Variants in HYKK observed in about 807,000 individuals in gnomAD.
HYKK encodes hydroxylysine kinase, also known as 5-hydroxy-L-lysine kinase.
A neutral mutation model predicts 29.7 loss-of-function variants in HYKK; 19 were observed. That is an observed-to-expected ratio of 0.64 (90% confidence interval 0.45 to 0.94). HYKK has a LOEUF of 0.94. Among genes scored for constraint, HYKK ranks in the 40% least tolerant of loss-of-function variants. The pLI is 0.00. For missense variants in HYKK, 390 were observed against 443.4 expected (o/e 0.88, Z 1.08); for synonymous variants, 152 against 158.1 (o/e 0.96, Z 0.29).
intron 3 of HYKK, among the ~76,000 whole-genome samples, chr15:78,524,363 C>A (rs2052227915): frequency 6.6e-6 from 1 of 152,230 alleles, no homozygotes; most frequent in Non-Finnish European, 1.5e-5. Context: ...CCCCTTTGAT[C>A]CATGGCTTGA....
At chr15:78,510,103 C>A (rs1187309979) in intron 1 of HYKK, among the ~76,000 whole-genome samples, 1 of 146,066 alleles carries the variant, frequency 6.8e-6, no homozygotes, top group Middle Eastern at 3.4e-3. Context: ...CTTTCTTTCT[C>A]TCTCTCTCTT....
At chr15:78,537,058 G>C (rs2052368963), downstream of HYKK, among the ~76,000 whole-genome samples, 1 of 152,156 alleles carries the variant, frequency 6.6e-6, no homozygotes, top group African/African-American at 2.4e-5. Flanking sequence ...CTCAGACTGA[G>C]TTACACCATC....
rs1275965615 is a variant in HYKK, at chr15:78,535,106, C to G, written c.*1436C>G. On this transcript the variant is annotated 3_prime_UTR_variant, in exon 5 of 5. Transcript: ENST00000388988. The stretch of plus-strand genomic sequence containing the variant: ...AGATGACTCAAGTCTAGAACCCTGG[C>G]CATTCAAATACTCAATAGTTATCTT... 2 of 152,048 alleles carry G rather than the reference C, an allele frequency of 1.3e-5. No individual in the cohort carries two copies. The highest frequency in any genetic ancestry group is 4.8e-5 in the African/African-American group (2 of 41,394). The allele number at this position is 152,048 out of a possible 1,614,324, so 9.4% of individuals were successfully genotyped here.
At chr15:78,510,421 A>G (rs1398962082) in intron 1 of HYKK, among the ~76,000 whole-genome samples, 3 of 151,536 alleles carry the variant, frequency 2.0e-5, no homozygotes, top group Non-Finnish European at 2.9e-5. Flanking sequence ...CTGGTCTCAA[A>G]CTCCTGACCT....
chr15:78,527,476 G>C lies in HYKK; in HGVS notation c.574G>C (p.Gly192Arg), dbSNP rs1319593408. 2 of 1,613,858 alleles carry C rather than the reference G, an allele frequency of 1.2e-6. No homozygotes were observed. The highest frequency in any genetic ancestry group is 2.7e-5 in the African/African-American group (2 of 74,838). Residue 192 changes from glycine to arginine, a missense_variant, in exon 4 of 5, where the codon GGC becomes CGC. By Grantham distance (125) the Gly-to-Arg change is moderately radical (BLOSUM62 -2). Coordinates refer to ENST00000388988, the MANE Select transcript of HYKK (RefSeq NM_001013619.4). ...TCTGGAGAAATACCTGTATGCCCTG[G>C]GCCAGAATCGAAACCGAGAGATTGT... ...PLLEKYLYALGQNRNREIVEH... is the reference protein window; with the variant it reads ...PLLEKYLYALRQNRNREIVEH...
At chr15:78,508,283 G>A (rs991798631) in intron 1 of HYKK, among the ~76,000 whole-genome samples, 6 of 152,180 alleles carry the variant, frequency 3.9e-5, no homozygotes, top group Non-Finnish European at 7.3e-5. Context: ...TTAAATAAGG[G>A]ACTAGCCTAG....
intron 3 of HYKK, among the ~76,000 whole-genome samples, chr15:78,526,256 C>T (rs530395274): frequency 5.3e-5 from 8 of 152,256 alleles, no homozygotes; most frequent in Admixed American, 1.3e-4. Context: ...TGTGGGGATA[C>T]AGGAGTGAAC....
chr15:78,520,585 C>G (rs950276921), intron 3 of HYKK, among the ~76,000 whole-genome samples: 2 of 152,220 alleles, frequency 1.3e-5, no homozygotes, highest in African/African-American at 4.8e-5. Flanking sequence ...GATCCCAAGG[C>G]AGAAGAATTT....
chr15:78,533,304 A>C lies in HYKK; in HGVS notation c.756A>C (p.Leu252Phe). 6.2e-7 allele frequency: 1 copy of C among 1,614,096 alleles called. No individual in the cohort carries two copies. Among genetic ancestry groups the C allele is most frequent in the South Asian group, 1.1e-5 (1 of 91,082 alleles). ...CTGAATATCAAGTGTCTGGGATTTTAGACTTTGGTGACATGAGCTATGGCT... is the reference window on the plus strand; with the variant it reads ...CTGAATATCAAGTGTCTGGGATTTTCGACTTTGGTGACATGAGCTATGGCT... The part of the protein sequence containing the change: ...GNAEYQVSGI[L>F]DFGDMSYGYY... The change falls in exon 5 of 5, where the codon TTA (leucine) becomes TTC (phenylalanine). Residue 252 changes from leucine to phenylalanine, a missense_variant. Leu to Phe is a conservative substitution (Grantham distance 22, BLOSUM62 0). Transcript: ENST00000388988.
At chr15:78,508,842 G>A (rs947808727) in intron 1 of HYKK, among the ~76,000 whole-genome samples, 3 of 137,942 alleles carry the variant, frequency 2.2e-5, no homozygotes, top group Non-Finnish European at 3.0e-5. Flanking sequence ...CCAGAAGTTC[G>A]AGACCAGCCT....
rs546148052 is a variant in HYKK at position 78,514,439 on chromosome 15, T to C, written c.338-529T>C. On this transcript the variant is annotated intron_variant, in intron 2 of 4. Coordinates refer to ENST00000388988, the MANE Select transcript of HYKK (RefSeq NM_001013619.4). ...TCTTGATTGTCTTTTTCTCTCTTAA[T>C]TGTTCACCATTCTTTCTTAATTTGC... Among the ~76,000 whole-genome samples the C allele has an allele frequency of 5.3e-5, 8 of 152,326 alleles. No homozygotes were observed. In the South Asian group the frequency reaches 1.7e-3, roughly 32 times the overall value.
intron 1 of HYKK, among the ~76,000 whole-genome samples, chr15:78,509,939 G>A (rs924553844): frequency 1.2e-4 from 19 of 152,186 alleles, no homozygotes; most frequent in African/African-American, 3.9e-4. Context: ...GATGGAAACC[G>A]ATCAGTGGCA....
intron 1 of HYKK, among the ~76,000 whole-genome samples, chr15:78,512,156 T>A (rs909265600): frequency 1.3e-5 from 2 of 152,156 alleles, no homozygotes; most frequent in Admixed American, 1.3e-4. Context: ...AGGGTTTTCT[T>A]TGGTTCTCTG....
At chr15:78,510,999 G>A (rs2052068827) in intron 1 of HYKK, among the ~76,000 whole-genome samples, 1 of 141,030 alleles carries the variant, frequency 7.1e-6, no homozygotes, top group Non-Finnish European at 1.5e-5. Flanking sequence ...AGAGAAGCGG[G>A]TCTCATTATG....
chr15:78,513,258 AT>A lies in HYKK; in HGVS notation c.171del (p.Asp57GlufsTer10). On this transcript the variant is annotated frameshift_variant, in exon 2 of 5. Coordinates refer to ENST00000388988, the MANE Select transcript of HYKK (RefSeq NM_001013619.4). LOFTEE classifies it high-confidence loss of function. ...CATGTCTACGTTTCAAAAACCAAAG[AT>A]GGCCCAACTGAATATGTCCTCAAAA... ...NFHVYVSKTK[D>X]GPTEYVLKIS... 6.2e-7 allele frequency: 1 copy of A among 1,614,236 alleles called. No individual in the cohort carries two copies. The highest frequency in any genetic ancestry group is 8.5e-7 in the Non-Finnish European group (1 of 1,180,038).
At position 78,513,067 on chromosome 15, in the gene HYKK, G is replaced by T; in HGVS notation, c.-5-17G>T. Reference sequence around the variant, plus strand: ...ATCCTGTGTCCCCTTTCTGTTTGTTGCTTTTTGTTCCCCTAGACATAATGT... The same window carrying T: ...ATCCTGTGTCCCCTTTCTGTTTGTTTCTTTTTGTTCCCCTAGACATAATGT... On this transcript the variant is annotated splice_polypyrimidine_tract_variant and intron_variant, in intron 1 of 4. Coordinates refer to ENST00000388988, the MANE Select transcript of HYKK (RefSeq NM_001013619.4). 1 of 1,411,340 alleles carries T rather than the reference G, an allele frequency of 7.1e-7. No individual in the cohort carries two copies. Among genetic ancestry groups the T allele is most frequent in the Non-Finnish European group, 9.9e-7 (1 of 1,010,458 alleles). 87.4% of individuals were successfully genotyped at this position (1,411,340 alleles called of 1,614,324 possible). A position where few individuals can be genotyped will look rare whatever the true frequency, so the allele number is the denominator to read the frequency against.
At chr15:78,529,846 A>C (rs1302744942) in intron 4 of HYKK, among the ~76,000 whole-genome samples, 1 of 133,380 alleles carries the variant, frequency 7.5e-6, no homozygotes, top group Non-Finnish European at 1.8e-5. Context: ...CATAATTCTA[A>C]ATTTTTTTTT....
At chr15:78,509,113 A>T (rs917787535) in intron 1 of HYKK, among the ~76,000 whole-genome samples, 1 of 152,142 alleles carries the variant, frequency 6.6e-6, no homozygotes, top group African/African-American at 2.4e-5. Context: ...TGTCTGATAA[A>T]CATATTTTTT....
chr15:78,522,558 C>CAA (rs746784955), intron 3 of HYKK, among the ~76,000 whole-genome samples: 153 of 41,080 alleles, frequency 3.7e-3, no homozygotes, highest in Non-Finnish European at 4.2e-3. Flanking sequence ...GACTCCGTCT[C>CAA]AAAAAAAAAA....
Sources: gnomAD v4.1 joint callset for allele counts (sites outside exome capture counted in the v4.1 genomes callset) on GRCh38, gnomAD v4.1.1 for gene constraint, MANE v1.5 for transcripts, NCBI Gene and HGNC (gene_info 2026-07-23, HGNC 2026-07-21) for gene names.